Variants in LYPD6B observed in about 807,000 individuals in gnomAD.
The protein encoded by LYPD6B is LY6/PLAUR domain containing 6B, also known as ly6/PLAUR domain-containing protein 6B.
Under a neutral mutation model 22.8 loss-of-function variants are expected in LYPD6B, and 17 were observed. The ratio of observed to expected loss-of-function variants is 0.75; its 90% CI spans 0.51 to 1.12. LYPD6B has a LOEUF of 1.12. Ranked by LOEUF, LYPD6B falls within the 50% of genes most tolerant of loss-of-function variation. The pLI, the probability that LYPD6B is intolerant of heterozygous loss-of-function variation, is 0.00. For missense variants in LYPD6B, 221 were observed against 258.3 expected (o/e 0.86, Z 0.99); for synonymous variants, 106 against 91.6 (o/e 1.16, Z -0.90).
rs192076626 is a variant in LYPD6B at position 149,131,869 on chromosome 2, G to A, written c.5+916G>A. Among the ~76,000 whole-genome samples the A allele has an allele frequency of 1.6e-4, 25 of 152,268 alleles. No homozygotes were observed. The East Asian group carries it at 1.9e-3, about 12-fold the overall frequency. On this transcript the variant is annotated intron_variant, in intron 2 of 6. Coordinates refer to ENST00000409642, the MANE Select transcript of LYPD6B (RefSeq NM_177964.5). ...TGAGAGGCTAGAAAGAATTGATGATGAAAATACTTCTGTCAAAGAGAGAAG... is the reference window on the plus strand; with the variant it reads ...TGAGAGGCTAGAAAGAATTGATGATAAAAATACTTCTGTCAAAGAGAGAAG...
At chr2:149,205,056 G>T in intron 3 of LYPD6B, 197 bp from the exon 4 acceptor site, 2 of 566,494 alleles carry the variant, frequency 3.5e-6, no homozygotes, top group South Asian at 2.4e-5. Context: ...TAGTGCAGAG[G>T]CCTGACCAGT....
intron 3 of LYPD6B, among the ~76,000 whole-genome samples, chr2:149,196,357 G>A (rs1347516214): frequency 6.6e-6 from 1 of 152,190 alleles, no homozygotes. Flanking sequence ...ATAGCATGCA[G>A]TTTATTGTTC....
At chr2:149,159,192 C>T (rs1195069020) in intron 2 of LYPD6B, among the ~76,000 whole-genome samples, 1 of 152,096 alleles carries the variant, frequency 6.6e-6, no homozygotes, top group African/African-American at 2.4e-5. Context: ...AATTACTCTC[C>T]TCTTCCTCCC....
At chr2:149,118,366 A>G (rs1452942869) in intron 1 of LYPD6B, 1 of 152,236 alleles carries the variant, frequency 6.6e-6, no homozygotes, top group Non-Finnish European at 1.5e-5. Flanking sequence ...CTGGATTTTT[A>G]CAAAGCACAG....
intron 5 of LYPD6B, among the ~76,000 whole-genome samples, chr2:149,211,398 T>C (rs2106176514): frequency 6.6e-6 from 1 of 152,240 alleles, no homozygotes; most frequent in Middle Eastern, 3.4e-3. Flanking sequence ...CTTTTCACCA[T>C]TTTCTTTCTC....
chr2:149,160,715 A>G (rs1484444691), intron 2 of LYPD6B, 49 bp from the exon 3 acceptor site: 3 of 1,271,714 alleles, frequency 2.4e-6, no homozygotes, highest in Admixed American at 2.0e-5. Context: ...CAAGAACGTT[A>G]CTCATCGTCA....
At chr2:149,058,191 A>G (rs1683897893) in intron 1 of LYPD6B, among the ~76,000 whole-genome samples, 1 of 152,120 alleles carries the variant, frequency 6.6e-6, no homozygotes, top group Middle Eastern at 3.2e-3. Context: ...TAAATGCGTG[A>G]TTTTCCAACC....
chr2:149,053,686 G>A (rs996386648), intron 1 of LYPD6B, among the ~76,000 whole-genome samples: 1 of 152,162 alleles, frequency 6.6e-6, no homozygotes, highest in African/African-American at 2.4e-5. Flanking sequence ...AATTCCAGGA[G>A]GGTTTTATCA....
intron 2 of LYPD6B, among the ~76,000 whole-genome samples, chr2:149,158,417 C>T (rs1045001672): frequency 3.9e-5 from 6 of 151,964 alleles, no homozygotes; most frequent in Non-Finnish European, 8.8e-5. Context: ...AAGCCAGACA[C>T]AAGAAAGGAT....
At chr2:149,150,491 T>G (rs1689299873) in intron 2 of LYPD6B, among the ~76,000 whole-genome samples, 1 of 152,198 alleles carries the variant, frequency 6.6e-6, no homozygotes, top group South Asian at 2.1e-4. Context: ...TTTGTTTGTT[T>G]GTTTTTAGGA....
chr2:149,151,006 C>T (rs1689335114), intron 2 of LYPD6B, among the ~76,000 whole-genome samples: 1 of 151,958 alleles, frequency 6.6e-6, no homozygotes, highest in Admixed American at 6.6e-5. Flanking sequence ...AAACAATAAC[C>T]CGATGACATT....
At chr2:149,170,075 T>C (rs1472575372) in intron 3 of LYPD6B, among the ~76,000 whole-genome samples, 1 of 152,202 alleles carries the variant, frequency 6.6e-6, no homozygotes, top group Non-Finnish European at 1.5e-5. Context: ...TTCAGCCATG[T>C]CTCTATTTGA....
chr2:149,214,871 G>T lies in LYPD6B; in HGVS notation c.*161G>T, dbSNP rs2288076. 422 of 744,920 alleles carry T rather than the reference G, an allele frequency of 5.7e-4. 5 individuals carry two copies. The East Asian group carries it at 0.01, about 18-fold the overall frequency. 46.1% of individuals were successfully genotyped at this position (744,920 alleles called of 1,614,324 possible). On this transcript the variant is annotated 3_prime_UTR_variant, in exon 7 of 7. Coordinates refer to ENST00000409642, the MANE Select transcript of LYPD6B (RefSeq NM_177964.5). ...TGGTTTGCTTGGATAAAATGTTCCC[G>T]CATGAGGCCACAGGACTGAGGATGG...
intron 3 of LYPD6B, among the ~76,000 whole-genome samples, chr2:149,173,201 T>C (rs1294108249): frequency 6.6e-6 from 1 of 151,768 alleles, no homozygotes; most frequent in Admixed American, 6.6e-5. Context: ...AAAAAAGACA[T>C]GGTGTTTGTA....
At chr2:149,117,463 G>A (rs1308107029) in intron 1 of LYPD6B, among the ~76,000 whole-genome samples, 1 of 152,140 alleles carries the variant, frequency 6.6e-6, no homozygotes, top group Non-Finnish European at 1.5e-5. Context: ...TAGAGATGGG[G>A]TTTCGCCATG....
chr2:149,196,629 C>T (rs1318306089), intron 3 of LYPD6B, among the ~76,000 whole-genome samples: 1 of 152,194 alleles, frequency 6.6e-6, no homozygotes, highest in Non-Finnish European at 1.5e-5. Context: ...GGAATACTGT[C>T]TCCTAAACAG....
At chr2:149,056,308 C>T (rs963916082) in intron 1 of LYPD6B, among the ~76,000 whole-genome samples, 3 of 152,152 alleles carry the variant, frequency 2.0e-5, no homozygotes, top group Non-Finnish European at 4.4e-5. Flanking sequence ...GAAACACAGG[C>T]CATGTCCCCA....
chr2:149,060,969 G>A (rs545267921), intron 1 of LYPD6B, among the ~76,000 whole-genome samples: 1 of 152,302 alleles, frequency 6.6e-6, no homozygotes, highest in South Asian at 2.1e-4. Context: ...CCTTCCTACA[G>A]TCATTTAGAA....
At chr2:149,050,132 G>C (rs1032776544) in intron 1 of LYPD6B, among the ~76,000 whole-genome samples, 1 of 152,104 alleles carries the variant, frequency 6.6e-6, no homozygotes, top group Non-Finnish European at 1.5e-5. Flanking sequence ...TCTATTTCTT[G>C]TCATGGTGAG....
Sources: allele counts gnomAD v4.1 joint callset (sites outside exome capture counted in the v4.1 genomes callset), GRCh38; gene constraint gnomAD v4.1.1; transcripts MANE v1.5; gene names NCBI Gene and HGNC (gene_info 2026-07-23, HGNC 2026-07-21).